The following MINDY3 variants were observed in gnomAD, a reference collection of about 807,000 sequenced individuals.
MINDY3 encodes ubiquitin carboxyl-terminal hydrolase MINDY-3.
A neutral mutation model predicts 69.2 loss-of-function variants in MINDY3; 38 were observed. The ratio of observed to expected loss-of-function variants is 0.55; its 90% CI spans 0.42 to 0.72. MINDY3 has a LOEUF of 0.72. Ranked by LOEUF, MINDY3 falls within the 30% of genes least tolerant of loss-of-function variation. The pLI is 0.00. For missense variants in MINDY3, 522 were observed against 519.0 expected (o/e 1.01, Z -0.06); for synonymous variants, 192 against 180.1 (o/e 1.07, Z -0.53).
intron 12 of MINDY3, among the ~76,000 whole-genome samples, chr10:15,786,888 T>C (rs1307581682): frequency 1.3e-5 from 2 of 152,180 alleles, no homozygotes; most frequent in East Asian, 1.9e-4. Context: ...TTTGGAATAT[T>C]GTTCCTTATT....
chr10:15,804,197 C>A (rs1838464117), intron 10 of MINDY3, among the ~76,000 whole-genome samples: 3 of 152,000 alleles, frequency 2.0e-5, no homozygotes, highest in African/African-American at 7.2e-5. Context: ...AATTATCTAG[C>A]CTCACTCAGC....
In MINDY3 at chr10:15,820,499, T is replaced by C. The variant is rs184769899; in HGVS notation, c.801+1157A>G. Among the ~76,000 whole-genome samples the C allele has an allele frequency of 1.7e-4, 26 of 152,114 alleles. 1 individual carries two copies. Among genetic ancestry groups the C allele is most frequent in the African/African-American group, 6.0e-4 (25 of 41,470 alleles). On this transcript the variant is annotated intron_variant, in intron 9 of 14. Transcript: ENST00000277632. The stretch of plus-strand genomic sequence containing the variant: ...ACTTTCTTTAGGATCTACGAATGTG[T>C]GTGTATATGTGTTAGGGGGAAGGGG...
intron 5 of MINDY3, chr10:15,837,732 G>A: frequency 9.5e-7 from 1 of 1,049,046 alleles, no homozygotes; most frequent in Non-Finnish European, 1.2e-6. Flanking sequence ...CACATTTGCG[G>A]CTTCTTTTAA....
intron 10 of MINDY3, among the ~76,000 whole-genome samples, chr10:15,808,537 A>C (rs1426332884): frequency 6.6e-6 from 1 of 152,204 alleles, no homozygotes; most frequent in African/African-American, 2.4e-5. Flanking sequence ...TAATAAAAGC[A>C]GCTTGTGCTG....
At chr10:15,833,496 G>C (rs933303669) in intron 8 of MINDY3, 134 bp downstream of exon 8, 12 of 534,652 alleles carry the variant, frequency 2.2e-5, no homozygotes, top group Admixed American at 3.5e-5. Context: ...CTTGAAAACT[G>C]TAAAGGATTC....
Position 15,833,630 on chromosome 10 carries a change from T to A in MINDY3, c.730A>T (p.Lys244Ter). 2 of 1,568,178 alleles carry A rather than the reference T, an allele frequency of 1.3e-6. No individual in the cohort carries two copies. The highest frequency in any genetic ancestry group is 1.8e-6 in the Non-Finnish European group (2 of 1,138,926). Residue 244 changes from lysine to a stop codon, truncating the protein, a stop_gained and splice_region_variant, in exon 8 of 15, where the codon AAA (lysine) becomes TAA (stop). Transcript: ENST00000277632. LOFTEE classifies it high-confidence loss of function. ...WDGDRECSGMKLLGIHEQAAV... is the reference protein window; with the variant it reads ...WDGDRECSGM ...GCAACATAACAAGGAATATACTTAC[T>A]CATTCCTGAGCACTCTCTATCACCA...
At chr10:15,798,479 T>C (rs1838006303) in intron 10 of MINDY3, among the ~76,000 whole-genome samples, 1 of 151,644 alleles carries the variant, frequency 6.6e-6, no homozygotes, top group African/African-American at 2.4e-5. Context: ...TTTTTTTTTT[T>C]TAAATACTCT....
At chr10:15,859,465 T>A (rs1834928826) in intron 1 of MINDY3, among the ~76,000 whole-genome samples, 1 of 152,200 alleles carries the variant, frequency 6.6e-6, no homozygotes, top group Non-Finnish European at 1.5e-5. Flanking sequence ...TAGTTACTAG[T>A]ATAAAGCGCC....
intron 1 of MINDY3, chr10:15,858,036 A>G: frequency 1.7e-6 from 1 of 604,476 alleles, no homozygotes; most frequent in Middle Eastern, 8.0e-4. Flanking sequence ...GCCTGTTCCC[A>G]CAATCCCAAA....
intron 8 of MINDY3, among the ~76,000 whole-genome samples, chr10:15,830,769 C>T (rs1242823418): frequency 6.6e-6 from 1 of 152,152 alleles, no homozygotes. Context: ...GAGGTCTTTG[C>T]TTTAGAAGAA....
chr10:15,798,491 C>T (rs78588660), intron 10 of MINDY3, among the ~76,000 whole-genome samples: 2,405 of 146,740 alleles, frequency 0.016, 79 homozygotes, highest in African/African-American at 0.058. Context: ...AAATACTCTG[C>T]TAGTGGTTGG....
rs1297520864 is a variant in MINDY3 at position 15,811,429 on chromosome 10, A to T, written c.882+5406T>A. ...GAGCCAAAGCCATCAACCACTTGCCATCACAGTATTTTCAGTGCTAGTCAT... is the reference window on the plus strand; with the variant it reads ...GAGCCAAAGCCATCAACCACTTGCCTTCACAGTATTTTCAGTGCTAGTCAT... On this transcript the variant is annotated intron_variant, in intron 10 of 14. Coordinates refer to ENST00000277632, the MANE Select transcript of MINDY3 (RefSeq NM_024948.4). Among the ~76,000 whole-genome samples the T allele has an allele frequency of 2.0e-5, 3 of 152,190 alleles. No homozygotes were observed. In the East Asian group the frequency reaches 5.8e-4, roughly 29 times the overall value.
At chr10:15,852,838 G>A (rs1834397096) in intron 1 of MINDY3, among the ~76,000 whole-genome samples, 1 of 152,114 alleles carries the variant, frequency 6.6e-6, no homozygotes, top group African/African-American at 2.4e-5. Flanking sequence ...GAAAATATTT[G>A]AGGGTGGGAA....
At chr10:15,860,071 C>A (rs899063089) in intron 1 of MINDY3, 135 bp downstream of exon 1, 4 of 680,408 alleles carry the variant, frequency 5.9e-6, no homozygotes, top group Non-Finnish European at 7.7e-6. Flanking sequence ...TCTAGAAAGT[C>A]CAGCTTCAGC....
chr10:15,795,584 C>A (rs1045811672), intron 11 of MINDY3, among the ~76,000 whole-genome samples: 2 of 152,014 alleles, frequency 1.3e-5, no homozygotes, highest in Non-Finnish European at 2.9e-5. Context: ...GTGATCAAAA[C>A]AACCTCAGTG....
chr10:15,844,322 T>A (rs558257813), intron 2 of MINDY3, among the ~76,000 whole-genome samples: 30 of 152,292 alleles, frequency 2.0e-4, no homozygotes, highest in African/African-American at 7.0e-4. Flanking sequence ...AAAGTATAAC[T>A]ACATCACAAC....
chr10:15,857,604 G>A (rs1213079291), intron 1 of MINDY3, among the ~76,000 whole-genome samples: 2 of 152,072 alleles, frequency 1.3e-5, no homozygotes, highest in East Asian at 1.9e-4. Flanking sequence ...AAATTTTCAC[G>A]TTAAAATAAA....
In MINDY3 at chr10:15,837,553, C is replaced by A. The variant is rs1303048449; in HGVS notation, c.462-235G>T. 2.8e-6 allele frequency: 4 copies of A among 1,415,402 alleles called. No individual in the cohort carries two copies. The South Asian group carries it at 3.7e-5, about 13-fold the overall frequency. 87.7% of individuals were successfully genotyped at this position (1,415,402 alleles called of 1,614,324 possible). Reference sequence around the variant, plus strand: ...GAAAGAACACCTACTTGGCAGGGAACCTCTTCATCTCTTAGGTGAACTGTC... The same window carrying A: ...GAAAGAACACCTACTTGGCAGGGAAACTCTTCATCTCTTAGGTGAACTGTC... On this transcript the variant is annotated intron_variant, in intron 5 of 14. Coordinates refer to ENST00000277632, the MANE Select transcript of MINDY3 (RefSeq NM_024948.4).
chr10:15,837,573 A>C (rs994009403), intron 5 of MINDY3: 2 of 1,392,556 alleles, frequency 1.4e-6, no homozygotes, highest in Admixed American at 2.2e-5. Flanking sequence ...TCTTAGGTGA[A>C]CTGTCTGGCA....
Sources: gnomAD v4.1 joint callset for allele counts (sites outside exome capture counted in the v4.1 genomes callset) on GRCh38, gnomAD v4.1.1 for gene constraint, MANE v1.5 for transcripts, NCBI Gene and HGNC (gene_info 2026-07-23, HGNC 2026-07-21) for gene names.